Variants in ADGRG6 observed in about 807,000 individuals in gnomAD.
ADGRG6 encodes G-protein coupled receptor 126.
A neutral mutation model predicts 142.4 loss-of-function variants in ADGRG6; 84 were observed. The ratio of observed to expected loss-of-function variants is 0.59; its 90% CI spans 0.49 to 0.71. ADGRG6 has a LOEUF of 0.71. ADGRG6 is among the 30% of genes least tolerant of loss of function. The probability of loss-of-function intolerance (pLI) is 0.00; values close to 1 mark genes in which losing one functional copy is unlikely to be tolerated. For missense variants in ADGRG6, 1,367 were observed against 1,466.6 expected (o/e 0.93, Z 1.11); for synonymous variants, 521 against 520.5 (o/e 1.00, Z -0.01).
At chr6:142,352,483 A>G (rs1780233968) in intron 2 of ADGRG6, among the ~76,000 whole-genome samples, 2 of 152,142 alleles carry the variant, frequency 1.3e-5, no homozygotes, top group Admixed American at 1.3e-4. Context: ...GGATGGAAAG[A>G]GGGTGTGGGT....
rs1431202715 is a variant in ADGRG6 at position 142,392,987 on chromosome 6, G to A, written c.1348G>A (p.Val450Ile). 2 of 1,556,780 alleles carry A rather than the reference G, an allele frequency of 1.3e-6. No homozygotes were observed. The highest frequency in any genetic ancestry group is 1.8e-6 in the Non-Finnish European group (2 of 1,128,742). Residue 450 changes from valine (V) to isoleucine (I), a missense_variant, in exon 8 of 25, where the codon GTC becomes ATC. Transcript: ENST00000367609. ...TFQNWNYTVY[V>I]VNISFHLSAG... ...CCAAAATTGGAACTACACGGTTTAT[G>A]TCGTTAATATCAGGTAAGACAGAAT...
intron 2 of ADGRG6, among the ~76,000 whole-genome samples, chr6:142,311,433 C>G (rs1652560362): frequency 6.6e-6 from 1 of 151,838 alleles, no homozygotes; most frequent in South Asian, 2.1e-4. Flanking sequence ...CACAAACACT[C>G]TTTAGAGGGT....
At chr6:142,443,197 T>C in intron 24 of ADGRG6, 140 bp from the exon 25 acceptor site, 1 of 566,282 alleles carries the variant, frequency 1.8e-6, no homozygotes, top group Non-Finnish European at 3.1e-6. Flanking sequence ...TAGTGTTGCC[T>C]ATTACCTAAT....
At chr6:142,408,585 T>A (rs924546791) in intron 16 of ADGRG6, among the ~76,000 whole-genome samples, 1 of 152,148 alleles carries the variant, frequency 6.6e-6, no homozygotes, top group Admixed American at 6.6e-5. Flanking sequence ...ATTCTGCCAA[T>A]AGAGGTTTTG....
intron 18 of ADGRG6, among the ~76,000 whole-genome samples, chr6:142,413,899 T>TCTCACACACA (rs200677950): frequency 4.5e-4 from 63 of 141,484 alleles, no homozygotes; most frequent in African/African-American, 1.3e-3. Context: ...CATTTCTTTA[T>TCTCACACACA]CACACACACA....
chr6:142,411,885 A>AG, intron 18 of ADGRG6, among the ~76,000 whole-genome samples: 1 of 152,126 alleles, frequency 6.6e-6, no homozygotes, highest in Non-Finnish European at 1.5e-5. Context: ...TACTGCACCG[A>AG]GTGATCTCCC....
chr6:142,352,993 C>G (rs1338905463), intron 2 of ADGRG6, among the ~76,000 whole-genome samples: 1 of 152,170 alleles, frequency 6.6e-6, no homozygotes, highest in African/African-American at 2.4e-5. Flanking sequence ...AAAACAAACC[C>G]AAGCCTTTCC....
intron 4 of ADGRG6, among the ~76,000 whole-genome samples, chr6:142,376,592 A>G (rs1301218063): frequency 2.0e-5 from 3 of 152,144 alleles, no homozygotes; most frequent in Admixed American, 6.5e-5. Context: ...TAAAACTTCA[A>G]TTCATTATTG....
rs2143390 is a variant in ADGRG6 at position 142,382,000 on chromosome 6, C to T, written c.1119C>T (p.Asp373=). Reference sequence around the variant, plus strand: ...CAGCAGAACTGGCCAGCTGTGCAGACCTGGGGACCCTCTGTCAAGGTAGGG... The same window carrying T: ...CAGCAGAACTGGCCAGCTGTGCAGATCTGGGGACCCTCTGTCAAGGTAGGG... ...LPAAELASCA[D]LGTLCQATVN... Residue 373 remains aspartate, a synonymous_variant, in exon 5 of 25, where the codon GAC becomes GAT. Coordinates refer to ENST00000367609, the MANE Select transcript of ADGRG6 (RefSeq NM_198569.3). 134,763 of 1,601,850 alleles carry T rather than the reference C, an allele frequency of 0.084. 6,662 individuals carry two copies. The highest frequency in any genetic ancestry group is 0.23 in the East Asian group (10,423 of 44,418).
rs1463390206 is a variant in ADGRG6, at chr6:142,443,466, A to C, written c.3704A>C (p.Tyr1235Ser). The C allele has an allele frequency of 1.2e-6, 2 of 1,611,950 alleles. No homozygotes were observed. Among genetic ancestry groups the C allele is most frequent in the Admixed American group, 1.7e-5 (1 of 59,898 alleles). ...TGCAATGCTCATTCAGACAACTTCT[A>C]TAAAAATATTATCATGTCAGACACC... ...GYCNAHSDNF[Y>S]KNIIMSDTFS... The change falls in exon 25 of 25, where the codon TAT becomes TCT. Residue 1235 changes from tyrosine (Y) to serine (S), a missense_variant. By Grantham distance (144) the Tyr-to-Ser change is moderately radical. This residue lies in a region of ADGRG6 where 344 missense variants were observed against 348.7 expected (regional missense o/e 0.99). Transcript: ENST00000367609.
chr6:142,392,853 T>C (rs1774969817), intron 7 of ADGRG6, 95 bp from the exon 8 acceptor site: 2 of 799,382 alleles, frequency 2.5e-6, no homozygotes, highest in Non-Finnish European at 2.1e-6. Context: ...CCCAGGGTCT[T>C]ATCTCAGTAA....
chr6:142,383,931 G>T, intron 6 of ADGRG6, 88 bp downstream of exon 6: 1 of 716,322 alleles, frequency 1.4e-6, no homozygotes. Context: ...TTCCAACAAA[G>T]TGTCTGTTAC....
intron 22 of ADGRG6, among the ~76,000 whole-genome samples, chr6:142,426,130 C>G (rs1776930807): frequency 6.6e-6 from 1 of 152,132 alleles, no homozygotes; most frequent in African/African-American, 2.4e-5. Context: ...TTATGCCTTC[C>G]CAACAGTCCC....
At position 142,382,033 on chromosome 6, in the gene ADGRG6, A is replaced by G; in HGVS notation, c.1138+14A>G. 1.3e-6 allele frequency: 2 copies of G among 1,532,062 alleles called. No homozygotes were observed. Among genetic ancestry groups the G allele is most frequent in the East Asian group, 2.3e-5 (1 of 43,622 alleles). 94.9% of individuals were successfully genotyped at this position (1,532,062 alleles called of 1,614,324 possible). A position where few individuals can be genotyped will look rare whatever the true frequency, so the allele number is the denominator to read the frequency against. On this transcript the variant is annotated intron_variant, in intron 5 of 24. Transcript: ENST00000367609. Reference sequence around the variant, plus strand: ...CCCTCTGTCAAGGTAGGGAGCCCACACCGTGCTCTGGAATCTCTTTGCTTT... The same window carrying G: ...CCCTCTGTCAAGGTAGGGAGCCCACGCCGTGCTCTGGAATCTCTTTGCTTT...
intron 2 of ADGRG6, among the ~76,000 whole-genome samples, chr6:142,312,886 C>T (rs552016093): frequency 1.3e-5 from 2 of 152,134 alleles, no homozygotes; most frequent in South Asian, 4.2e-4. Flanking sequence ...GTCAAACTGC[C>T]TATTTGCTTG....
intron 2 of ADGRG6, among the ~76,000 whole-genome samples, chr6:142,313,672 G>C (rs1365711180): frequency 6.6e-6 from 1 of 152,120 alleles, no homozygotes; most frequent in Non-Finnish European, 1.5e-5. Flanking sequence ...TGTGTAAAAA[G>C]AATCTTGTGC....
intron 2 of ADGRG6, among the ~76,000 whole-genome samples, chr6:142,356,238 A>G (rs1780438113): frequency 6.6e-6 from 1 of 152,180 alleles, no homozygotes; most frequent in Non-Finnish European, 1.5e-5. Flanking sequence ...AGTAGAAAGG[A>G]GGTGATTTTT....
At chr6:142,393,351 C>A (rs1248364259) in intron 8 of ADGRG6, among the ~76,000 whole-genome samples, 1 of 152,128 alleles carries the variant, frequency 6.6e-6, no homozygotes, top group Non-Finnish European at 1.5e-5. Flanking sequence ...GTACCCATTT[C>A]AAGACCACTT....
chr6:142,356,064 C>T (rs982344672), intron 2 of ADGRG6, among the ~76,000 whole-genome samples: 7 of 152,190 alleles, frequency 4.6e-5, no homozygotes, highest in Admixed American at 1.3e-4. Flanking sequence ...TGCCTCACCC[C>T]CAGCCCAGTG....
Sources: allele counts gnomAD v4.1 joint callset (sites outside exome capture counted in the v4.1 genomes callset), GRCh38; gene constraint gnomAD v4.1.1; regional missense constraint gnomAD v4.1.1; transcripts MANE v1.5; gene names NCBI Gene and HGNC (gene_info 2026-07-23, HGNC 2026-07-21).